Variants in TG observed in about 807,000 individuals in gnomAD.
TG encodes the protein thyroglobulin, also known as thyroid hormones.
Under a neutral mutation model 324.7 loss-of-function variants are expected in TG, and 270 were observed. The ratio of observed to expected loss-of-function variants is 0.83; its 90% CI spans 0.75 to 0.92. The LOEUF (loss-of-function observed/expected upper bound fraction) is 0.92. Ranked by LOEUF, TG falls within the 40% of genes least tolerant of loss-of-function variation. The probability of loss-of-function intolerance (pLI) is 0.00; values close to 1 mark genes in which losing one functional copy is unlikely to be tolerated. For synonymous variants in TG, 1,401 were observed against 1,327.0 expected (o/e 1.06, Z -1.21); for missense variants, 3,591 against 3,456.4 (o/e 1.04, Z -0.98).
At chr8:132,928,070 C>T (rs949193208) in intron 22 of TG, among the ~76,000 whole-genome samples, 7 of 151,966 alleles carry the variant, frequency 4.6e-5, no homozygotes, top group African/African-American at 9.7e-5. Context: ...CGCGCCTGGC[C>T]GAGCATGTCA....
At position 132,919,453 on chromosome 8, in the gene TG, G is replaced by T; in HGVS notation, c.4456G>T (p.Gly1486Trp). The T allele has an allele frequency of 1.2e-6, 2 of 1,614,134 alleles. No individual in the cohort carries two copies. Among genetic ancestry groups the T allele is most frequent in the Non-Finnish European group, 1.7e-6 (2 of 1,179,990 alleles). ...CPVGFYQEQA[G>W]SLACVPCPVG... ...TGTTGGATTCTACCAAGAACAGGCA[G>T]GGAGCTTGGCCTGTGTCCCATGTCC... Residue 1486 changes from glycine to tryptophan, a missense_variant, in exon 21 of 48, where the codon GGG becomes TGG. Physicochemically the swap from Gly to Trp is radical, Grantham distance 184. Coordinates refer to ENST00000220616, the MANE Select transcript of TG (RefSeq NM_003235.5).
At chr8:133,002,662 C>T in intron 35 of TG, 1 of 222,680 alleles carries the variant, frequency 4.5e-6, no homozygotes, top group Non-Finnish European at 9.2e-6. Flanking sequence ...CCCACTGGTT[C>T]TCACACAGTG....
chr8:133,067,249 G>A (rs535311448), intron 41 of TG, among the ~76,000 whole-genome samples: 1 of 152,214 alleles, frequency 6.6e-6, no homozygotes, highest in East Asian at 1.9e-4. Flanking sequence ...ATAGTCCCCT[G>A]CTCTCCTCTA....
intron 33 of TG, among the ~76,000 whole-genome samples, 153 bp downstream of exon 33, chr8:132,972,026 TGTG>T (rs1829596210): frequency 6.6e-6 from 1 of 152,172 alleles, no homozygotes; most frequent in Middle Eastern, 3.2e-3. Context: ...GGCTAATAAA[TGTG>T]GTAGCTGAGA....
chr8:132,939,825 C>T (rs1339653045), intron 25 of TG, among the ~76,000 whole-genome samples: 1 of 152,056 alleles, frequency 6.6e-6, no homozygotes, highest in Non-Finnish European at 1.5e-5. Context: ...TACAGACGTG[C>T]ACCATCACAC....
At chr8:133,057,345 C>T (rs1841632229) in intron 41 of TG, among the ~76,000 whole-genome samples, 1 of 152,164 alleles carries the variant, frequency 6.6e-6, no homozygotes. Flanking sequence ...ATGTCTGGTA[C>T]AGAAGTATGT....
chr8:133,110,215 A>T (rs1233194930), intron 43 of TG, among the ~76,000 whole-genome samples: 1 of 152,132 alleles, frequency 6.6e-6, no homozygotes, highest in African/African-American at 2.4e-5. Context: ...AGCCCGGGGC[A>T]TTAGACCCAC....
chr8:133,049,831 C>T, intron 41 of TG: 4 of 1,026,408 alleles, frequency 3.9e-6, no homozygotes, highest in Non-Finnish European at 6.2e-6. Flanking sequence ...ATGCTGGAAT[C>T]TTTGTTCCAC....
chr8:132,898,799 C>A lies in TG; in HGVS notation c.3219C>A (p.Cys1073Ter). ...TACAAGCACCTCTCTCTCCCACAGG[C>A]CCGACAACCTGCGAGAAATCTCGAA... ...LTARSLQIPQ[C>*]PTTCEKSRTS... Residue 1073 changes from cysteine (C) to a stop codon, truncating the protein, a stop_gained and splice_region_variant, in exon 14 of 48, where the codon TGC becomes TGA. Transcript: ENST00000220616. LOFTEE classifies it high-confidence loss of function. 2 of 1,613,976 alleles carry A rather than the reference C, an allele frequency of 1.2e-6. No individual in the cohort carries two copies. Among genetic ancestry groups the A allele is most frequent in the Non-Finnish European group, 1.7e-6 (2 of 1,179,948 alleles).
intron 41 of TG, among the ~76,000 whole-genome samples, chr8:133,082,556 G>A (rs893909904): frequency 9.2e-5 from 14 of 152,158 alleles, no homozygotes; most frequent in Non-Finnish European, 2.1e-4. Flanking sequence ...TGTGGGCACC[G>A]GGAAAGTGGA....
chr8:133,134,509 T>C (rs1462509609), intron 47 of TG, among the ~76,000 whole-genome samples, 167 bp from the exon 48 acceptor site: 1 of 152,188 alleles, frequency 6.6e-6, no homozygotes, highest in African/African-American at 2.4e-5. Context: ...CATGTCCCTA[T>C]AGCCAGGAGA....
chr8:133,094,142 G>A (rs1317553489), intron 41 of TG, among the ~76,000 whole-genome samples: 1 of 152,100 alleles, frequency 6.6e-6, no homozygotes, highest in African/African-American at 2.4e-5. Flanking sequence ...GTTCCTCCCA[G>A]GCGGATGACC....
chr8:133,075,361 T>C (rs1179387832), intron 41 of TG, among the ~76,000 whole-genome samples: 1 of 152,194 alleles, frequency 6.6e-6, no homozygotes, highest in African/African-American at 2.4e-5. Context: ...TGCAGCTTCC[T>C]TCTGTTACTG....
intron 46 of TG, among the ~76,000 whole-genome samples, chr8:133,132,835 G>A (rs1282980320): frequency 6.6e-6 from 1 of 152,188 alleles, no homozygotes; most frequent in Non-Finnish European, 1.5e-5. Flanking sequence ...GCTGGGCCTT[G>A]GGGGATAAAT....
chr8:132,883,342 T>A (rs1814933806), intron 8 of TG: 2 of 308,908 alleles, frequency 6.5e-6, no homozygotes, highest in Non-Finnish European at 1.2e-5. Context: ...GCAGCAGGTA[T>A]GGGAAGGAGG....
rs138008323 is a variant in TG, at chr8:132,868,667, G to A, written c.176+444G>A. 1.6e-3 allele frequency among the ~76,000 whole-genome samples: 250 copies of A among 152,278 alleles called. 2 individuals are homozygous for A. The highest frequency in any genetic ancestry group is 5.6e-3 in the African/African-American group (232 of 41,554). ...GACTTCCTAGTCCTTAGCTGCCACC[G>A]ACCCTGCCCGGACTAGCTCTCTAGG... On this transcript the variant is annotated intron_variant, in intron 2 of 47. Coordinates refer to ENST00000220616, the MANE Select transcript of TG (RefSeq NM_003235.5).
intron 34 of TG, among the ~76,000 whole-genome samples, 171 bp downstream of exon 34, chr8:132,972,912 T>A (rs1438229837): frequency 6.6e-6 from 1 of 152,208 alleles, no homozygotes; most frequent in African/African-American, 2.4e-5. Flanking sequence ...TATTGAAAGT[T>A]TGCTCATTGA....
At chr8:133,025,783 G>A (rs1455440949) in intron 40 of TG, among the ~76,000 whole-genome samples, 1 of 152,134 alleles carries the variant, frequency 6.6e-6, no homozygotes, top group Non-Finnish European at 1.5e-5. Flanking sequence ...ACATAGATTT[G>A]GAAAGAGCTG....
chr8:132,968,048 A>T, intron 31 of TG, 78 bp downstream of exon 31: 1 of 1,515,442 alleles, frequency 6.6e-7, no homozygotes, highest in East Asian at 2.3e-5. Flanking sequence ...GATCCACATT[A>T]GTTTCTTATT....
Sources: allele counts gnomAD v4.1 joint callset (sites outside exome capture counted in the v4.1 genomes callset), GRCh38; gene constraint gnomAD v4.1.1; transcripts MANE v1.5; gene names NCBI Gene and HGNC (gene_info 2026-07-23, HGNC 2026-07-21).